Variants in NAV2 observed in about 807,000 individuals in gnomAD.
NAV2 encodes neuron navigator 2, also known as helicase, APC down-regulated 1.
NAV2 carries 54 observed loss-of-function variants against 223.2 expected under a neutral mutation model. That is an observed-to-expected ratio of 0.24 (90% CI 0.19 to 0.30). NAV2 has a LOEUF of 0.30. Among genes scored for constraint, NAV2 ranks in the 10% least tolerant of loss-of-function variants. The pLI, the probability that NAV2 is intolerant of heterozygous loss-of-function variation, is 1.00. For synonymous variants in NAV2, 1,279 were observed against 1,239.3 expected, an observed-to-expected ratio of 1.03 and a Z score of -0.67; for missense variants, 2,806 against 3,147.5, an observed-to-expected ratio of 0.89 and a Z score of 2.60.
rs1332687756 is a variant in NAV2, at chr11:20,057,644, G to A, written c.4831+1687G>A. ...CCACAGAGCATTTCCCAACCTCCCC[G>A]GGAAGGATTTGCATATGGAGTTTGT... On this transcript the variant is annotated intron_variant, in intron 19 of 37. Coordinates refer to ENST00000349880, the MANE Select transcript of NAV2 (RefSeq NM_145117.5). 2.6e-5 allele frequency among the ~76,000 whole-genome samples: 4 copies of A among 152,126 alleles called. No individual in the cohort carries two copies. In the South Asian group the frequency reaches 6.2e-4, roughly 24 times the overall value.
At chr11:20,050,288 T>C (rs2057853734) in intron 16 of NAV2, among the ~76,000 whole-genome samples, 1 of 152,166 alleles carries the variant, frequency 6.6e-6, no homozygotes, top group Non-Finnish European at 1.5e-5. Context: ...ACTGTGTAGC[T>C]TGGCCCTCAC....
intron 1 of NAV2, among the ~76,000 whole-genome samples, chr11:19,706,695 C>T (rs1324732492): frequency 6.6e-6 from 1 of 152,210 alleles, no homozygotes; most frequent in African/African-American, 2.4e-5. Context: ...CAAAGCCAGG[C>T]ACATAGATGG....
intron 1 of NAV2, among the ~76,000 whole-genome samples, chr11:19,613,559 T>A (rs1182792544): frequency 6.6e-6 from 1 of 152,076 alleles, no homozygotes; most frequent in Non-Finnish European, 1.5e-5. Context: ...CTTGATGATG[T>A]TGGAGGGGGT....
Position 19,557,374 on chromosome 11 carries a change from G to A in NAV2, c.75+206347G>A, listed in dbSNP as rs554328834. 1.1e-4 allele frequency among the ~76,000 whole-genome samples: 17 copies of A among 152,322 alleles called. No individual in the cohort carries two copies. The East Asian group carries it at 2.1e-3, about 19-fold the overall frequency. ...CTGAGCCTGGCAATCTACGGCTTAC[G>A]ATGAGTAAACTGAATGTTTTGTTTG... is the stretch of plus-strand genomic sequence containing the variant. On this transcript the variant is annotated intron_variant, in intron 1 of 37. Transcript: ENST00000360655.
At chr11:20,032,159 C>T (rs7941274) in intron 11 of NAV2, among the ~76,000 whole-genome samples, 1 of 152,204 alleles carries the variant, frequency 6.6e-6, no homozygotes, top group African/African-American at 2.4e-5. Flanking sequence ...GGTTTCTGGC[C>T]ACAGACAGCT....
At position 20,047,716 on chromosome 11, in the gene NAV2, A is replaced by G. The variant is rs77126536; in HGVS notation, c.3903-1012A>G. ...CACCCACTGTAGTAAGGATTGATTGATTGATTGTCTTTACAATACTTGAGA... is the reference window on the plus strand; with the variant it reads ...CACCCACTGTAGTAAGGATTGATTGGTTGATTGTCTTTACAATACTTGAGA... On this transcript the variant is annotated intron_variant, in intron 14 of 37. Transcript: ENST00000349880. Among the ~76,000 whole-genome samples, 978 of 152,288 alleles carry G rather than the reference A, an allele frequency of 6.4e-3. 13 individuals are homozygous for G. Among genetic ancestry groups the G allele is most frequent in the African/African-American group, 0.022 (902 of 41,550 alleles).
intron 11 of NAV2, among the ~76,000 whole-genome samples, chr11:20,023,699 G>GTGTGT (rs2054741738): frequency 1.4e-4 from 20 of 144,572 alleles, no homozygotes; most frequent in African/African-American, 4.7e-4. Context: ...CAAATTGCTG[G>GTGTGT]GTGTGTGTGT....
intron 11 of NAV2, among the ~76,000 whole-genome samples, chr11:19,997,341 A>G (rs1487380479): frequency 6.6e-6 from 1 of 152,096 alleles, no homozygotes. Context: ...TGTGGAGAGA[A>G]TAGGTTCATT....
chr11:19,746,861 A>G (rs1295548892), intron 1 of NAV2, among the ~76,000 whole-genome samples: 1 of 151,992 alleles, frequency 6.6e-6, no homozygotes, highest in African/African-American at 2.4e-5. Context: ...GAAGATTATC[A>G]CTGTCTACCT....
At chr11:19,356,431 G>A (rs1289445385) in intron 1 of NAV2, among the ~76,000 whole-genome samples, 2 of 152,170 alleles carry the variant, frequency 1.3e-5, no homozygotes, top group Non-Finnish European at 2.9e-5. Flanking sequence ...ATGAGGCACT[G>A]GGATCATGAT....
intron 1 of NAV2, among the ~76,000 whole-genome samples, chr11:19,373,387 C>T (rs1387889358): frequency 6.6e-6 from 1 of 152,208 alleles, no homozygotes; most frequent in East Asian, 1.9e-4. Context: ...CTCTTTCACT[C>T]TCCCTTTGGC....
chr11:19,597,432 C>T (rs774339859), intron 1 of NAV2, among the ~76,000 whole-genome samples: 10 of 152,158 alleles, frequency 6.6e-5, no homozygotes, highest in Non-Finnish European at 1.0e-4. Context: ...TCTTGCCTCG[C>T]TGCCCCATCT....
intron 1 of NAV2, among the ~76,000 whole-genome samples, chr11:19,630,936 A>AT (rs767722221): frequency 6.8e-6 from 1 of 147,398 alleles, no homozygotes; most frequent in Non-Finnish European, 1.5e-5. Context: ...AAAAAAAAAA[A>AT]AGGAAAAAAG....
chr11:20,046,162 C>T (rs1159736736), intron 14 of NAV2, among the ~76,000 whole-genome samples: 2 of 151,750 alleles, frequency 1.3e-5, no homozygotes, highest in Non-Finnish European at 2.9e-5. Flanking sequence ...GGTGAAACCC[C>T]GTCTCTACTA....
chr11:19,624,458 G>A (rs1001472302), intron 1 of NAV2, among the ~76,000 whole-genome samples: 18 of 152,308 alleles, frequency 1.2e-4, no homozygotes, highest in Admixed American at 3.3e-4. Flanking sequence ...GCAATGGCGG[G>A]TGCCCCTCCC....
chr11:20,056,650 T>C, intron 19 of NAV2: 1 of 1,520,924 alleles, frequency 6.6e-7, no homozygotes, highest in Non-Finnish European at 9.1e-7. Flanking sequence ...GTCAAAATTC[T>C]GTGGAGGATA....
At chr11:19,449,613 T>C (rs1350810354) in intron 1 of NAV2, among the ~76,000 whole-genome samples, 2 of 122,156 alleles carry the variant, frequency 1.6e-5, no homozygotes, top group Non-Finnish European at 3.3e-5. Context: ...GGTGTGTGTG[T>C]GTGTTGTGGG....
intron 1 of NAV2, among the ~76,000 whole-genome samples, chr11:19,694,756 C>A (rs1400102820): frequency 6.6e-6 from 1 of 152,152 alleles, no homozygotes; most frequent in Non-Finnish European, 1.5e-5. Flanking sequence ...GGTGCAGGGA[C>A]CACCCAAGGG....
chr11:20,026,518 G>A (rs2055092878), intron 11 of NAV2, among the ~76,000 whole-genome samples: 1 of 152,040 alleles, frequency 6.6e-6, no homozygotes, highest in Non-Finnish European at 1.5e-5. Context: ...CACTGTGTTA[G>A]CCAGGATGGT....
Sources: gnomAD v4.1 joint callset for allele counts (sites outside exome capture counted in the v4.1 genomes callset) on GRCh38, gnomAD v4.1.1 for gene constraint, MANE v1.5 for transcripts, NCBI Gene and HGNC (gene_info 2026-07-23, HGNC 2026-07-21) for gene names.